ELF2: variants seen among roughly 807,000 people sequenced by gnomAD.
ELF2 encodes ETS-related transcription factor Elf-2.
ELF2 carries 11 observed loss-of-function variants against 54.8 expected under a neutral mutation model. That is an observed-to-expected ratio of 0.20 (90% CI 0.13 to 0.33). The LOEUF is 0.33. Among genes scored for constraint, ELF2 ranks in the 10% least tolerant of loss-of-function variants. ELF2 has a pLI of 1.00. For missense variants in ELF2, 513 were observed against 703.0 expected (o/e 0.73, Z 3.06); for synonymous variants, 203 against 245.1 (o/e 0.83, Z 1.61).
chr4:139,109,707 G>A (rs1487149785), intron 4 of ELF2, among the ~76,000 whole-genome samples: 2 of 152,182 alleles, frequency 1.3e-5, no homozygotes, highest in African/African-American at 2.4e-5. Context: ...TGGAACAGCC[G>A]GAGGCTAACG....
At chr4:139,087,548 C>T (rs1478947361) in intron 4 of ELF2, among the ~76,000 whole-genome samples, 2 of 152,198 alleles carry the variant, frequency 1.3e-5, no homozygotes, top group Non-Finnish European at 2.9e-5. Flanking sequence ...TCACTGCAAG[C>T]TCCGCCTCCC....
Position 139,159,291 on chromosome 4 carries a change from T to C in ELF2, c.-252+17676A>G, listed in dbSNP as rs911774742. On this transcript the variant is annotated intron_variant, in intron 1 of 9. Transcript: ENST00000686138. ...CACTGAACAATGATTTCCTTGAGGA[T>C]AGATTTCCACGACAGAAAGGAAATG... 3.9e-5 allele frequency among the ~76,000 whole-genome samples: 6 copies of C among 152,142 alleles called. No individual in the cohort carries two copies. The South Asian group carries it at 1.0e-3, about 26-fold the overall frequency.
Position 139,060,651 on chromosome 4 carries a change from A to G in ELF2, c.830T>C (p.Leu277Pro). ...ALRYYYQRGI[L>P]AKVEGQRLVY... is the part of the protein sequence containing the mutation. ...AAGCCTCTGTCCTTCAACCTTTGCA[A>G]GAATTCCCCTTTGGTAGTAGTATCT... The change falls in exon 9 of 10, where the codon CTT (leucine) becomes CCT (proline). Residue 277 changes from leucine to proline, a missense_variant. Coordinates refer to ENST00000686138, the MANE Select transcript of ELF2 (RefSeq NM_001331036.3). 6.3e-7 allele frequency: 1 copy of G among 1,595,078 alleles called. No homozygotes were observed. Among genetic ancestry groups the G allele is most frequent in the Admixed American group, 1.7e-5 (1 of 57,930 alleles).
chr4:139,106,442 G>GT (rs948813731), intron 4 of ELF2, among the ~76,000 whole-genome samples: 9 of 152,198 alleles, frequency 5.9e-5, no homozygotes, highest in Non-Finnish European at 1.2e-4. Context: ...GGGAACAATA[G>GT]TTTTTTAGCT....
intron 3 of ELF2, among the ~76,000 whole-genome samples, chr4:139,129,862 G>C (rs895854165): frequency 3.9e-5 from 6 of 151,994 alleles, no homozygotes; most frequent in African/African-American, 1.5e-4. Context: ...GGTCTAAAAG[G>C]AAAGTTTAAC....
intron 4 of ELF2, among the ~76,000 whole-genome samples, chr4:139,083,273 C>T (rs1228500716): frequency 6.6e-6 from 1 of 152,154 alleles, no homozygotes; most frequent in Non-Finnish European, 1.5e-5. Flanking sequence ...TAACATTCAC[C>T]CACTGTTTAC....
At chr4:139,116,231 AAG>A (rs1735699495) in intron 4 of ELF2, among the ~76,000 whole-genome samples, 2 of 152,328 alleles carry the variant, frequency 1.3e-5, no homozygotes, top group South Asian at 4.1e-4. Context: ...AAATGAACTT[AAG>A]ATTCACATTT....
At chr4:139,121,985 A>G (rs561877000) in intron 4 of ELF2, among the ~76,000 whole-genome samples, 7 of 152,360 alleles carry the variant, frequency 4.6e-5, no homozygotes, top group Non-Finnish European at 8.8e-5. Flanking sequence ...AGATGGCTAC[A>G]TGCAAATCAT....
intron 4 of ELF2, among the ~76,000 whole-genome samples, chr4:139,111,877 AAC>A (rs1260958026): frequency 4.6e-5 from 7 of 152,350 alleles, no homozygotes; most frequent in Admixed American, 1.3e-4. Flanking sequence ...GGTGAAAAAG[AAC>A]AGTTAGCTAG....
chr4:139,086,742 T>C (rs1313285538), intron 4 of ELF2, among the ~76,000 whole-genome samples: 1 of 152,128 alleles, frequency 6.6e-6, no homozygotes, highest in African/African-American at 2.4e-5. Flanking sequence ...AGAGACAATA[T>C]GATACACAAG....
At chr4:139,136,352 A>G (rs1738150518) in intron 3 of ELF2, among the ~76,000 whole-genome samples, 1 of 152,128 alleles carries the variant, frequency 6.6e-6, no homozygotes, top group Admixed American at 6.6e-5. Flanking sequence ...CCTTCACTTT[A>G]TCCTATTCCC....
upstream of ELF2, among the ~76,000 whole-genome samples, chr4:139,177,769 C>A (rs1743126768): frequency 1.3e-5 from 2 of 152,198 alleles, no homozygotes; most frequent in African/African-American, 2.4e-5. Flanking sequence ...CCCGCCGTCA[C>A]CGCATCCCCA....
chr4:139,114,561 T>TCCAGTCTCACTCACACACACACACACA (rs70940492), intron 4 of ELF2, among the ~76,000 whole-genome samples: 2 of 108,636 alleles, frequency 1.8e-5, no homozygotes, highest in Admixed American at 1.2e-4. Context: ...GACTTCAGTC[T>TCCAGTCTCACTCACACACACACACACA]CACACACACA....
chr4:139,071,981 C>T lies in ELF2; in HGVS notation c.411G>A (p.Arg137=), dbSNP rs1257653913. ...STPEFIHAAM[R]PDVITETVVE... is the part of the protein sequence containing the mutation. The stretch of plus-strand genomic sequence containing the variant: ...CTACAGTTTCTGTAATGACATCTGG[C>T]CTCATAGCAGCATGGATGAATTCTG... Residue 137 remains arginine, a synonymous_variant, in exon 6 of 10, where the codon AGG becomes AGA. Coordinates refer to ENST00000686138, the MANE Select transcript of ELF2 (RefSeq NM_001331036.3). 2.5e-6 allele frequency: 4 copies of T among 1,613,904 alleles called. No individual in the cohort carries two copies. The highest frequency in any genetic ancestry group is 3.4e-6 in the Non-Finnish European group (4 of 1,179,974).
At chr4:139,152,891 CTTTTTTTT>C (rs34208004) in intron 1 of ELF2, among the ~76,000 whole-genome samples, 1 of 104,060 alleles carries the variant, frequency 9.6e-6, no homozygotes, top group Non-Finnish European at 1.9e-5. Flanking sequence ...TAGTGTCATA[CTTTTTTTT>C]TTTTTTTTTT....
intron 1 of ELF2, among the ~76,000 whole-genome samples, chr4:139,170,328 G>A (rs945493411): frequency 3.4e-4 from 45 of 131,184 alleles, no homozygotes; most frequent in African/African-American, 1.2e-3. Flanking sequence ...GCAGTGGTGC[G>A]ATCTCGGCTC....
At chr4:139,146,259 C>T (rs189263295) in intron 1 of ELF2, among the ~76,000 whole-genome samples, 1 of 152,246 alleles carries the variant, frequency 6.6e-6, no homozygotes, top group Admixed American at 6.5e-5. Context: ...ATTAAGAACT[C>T]AATCCATTTT....
At chr4:139,081,136 G>A (rs1731054691) in intron 4 of ELF2, among the ~76,000 whole-genome samples, 1 of 152,068 alleles carries the variant, frequency 6.6e-6, no homozygotes, top group Non-Finnish European at 1.5e-5. Context: ...ACTCTTCAGG[G>A]TCAAGGCTCG....
chr4:139,102,966 C>A (rs542566081), intron 4 of ELF2, among the ~76,000 whole-genome samples: 1 of 152,100 alleles, frequency 6.6e-6, no homozygotes, highest in African/African-American at 2.4e-5. Context: ...GCAGCCTTGA[C>A]CTACCAAGTG....
Sources: gnomAD v4.1 joint callset for allele counts (sites outside exome capture counted in the v4.1 genomes callset) on GRCh38, gnomAD v4.1.1 for gene constraint, MANE v1.5 for transcripts, NCBI Gene and HGNC (gene_info 2026-07-23, HGNC 2026-07-21) for gene names.